Variants in KRABD3 observed in about 807,000 individuals in gnomAD.
KRABD3 encodes the protein KRAB domain-containing protein 3.
chr7:149,730,289 T>C, the KRABD3 span: 1 of 1,550,914 alleles, frequency 6.4e-7, no homozygotes, highest in Non-Finnish European at 8.7e-7. Flanking sequence ...TCAGCGGCTC[T>C]GAAGGAGAAG....
At chr7:149,724,747 C>G in the KRABD3 span, 12 of 1,560,712 alleles carry the variant, frequency 7.7e-6, no homozygotes, top group African/African-American at 1.2e-4. Context: ...CCAGAGCCCC[C>G]CAGGACCTGC....
At chr7:149,732,526 G>A in the KRABD3 span, among the ~76,000 whole-genome samples, 2 of 152,206 alleles carry the variant, frequency 1.3e-5, no homozygotes, top group Admixed American at 1.3e-4. This position sits in a 1 kb window ranked among gnomAD's most constrained non-coding sequence, Gnocchi z 4.0. Flanking sequence ...GTTAGGAATG[G>A]CAGGTGCCTG....
the KRABD3 span, chr7:149,722,657 C>T: frequency 9.9e-5 from 146 of 1,480,008 alleles, no homozygotes; most frequent in South Asian, 3.1e-4. Context: ...GCAGCTCCAC[C>T]GGGCAGGCCT....
the KRABD3 span, chr7:149,714,960 T>C: frequency 4.7e-6 from 5 of 1,053,544 alleles, no homozygotes; most frequent in Non-Finnish European, 6.0e-6. Context: ...CGCCTTCTCC[T>C]GCGCGGACCT....
the KRABD3 span, chr7:149,721,766 G>A: frequency 2.2e-5 from 15 of 681,752 alleles, no homozygotes; most frequent in Admixed American, 1.0e-4. Flanking sequence ...CTGTCATCCC[G>A]CCCCGATCAC....
the KRABD3 span, chr7:149,722,167 A>G: frequency 1.9e-6 from 1 of 526,694 alleles, no homozygotes; most frequent in South Asian, 2.0e-5. Flanking sequence ...CCTACATGTC[A>G]AGGCTGCCGG....
chr7:149,722,360 G>C, the KRABD3 span: 1 of 1,560,702 alleles, frequency 6.4e-7, no homozygotes, highest in East Asian at 2.4e-5. Flanking sequence ...ACCAGATCTG[G>C]TGTGATTTTC....
the KRABD3 span, chr7:149,728,797 C>T: frequency 2.1e-4 from 236 of 1,148,784 alleles, no homozygotes; most frequent in African/African-American, 3.3e-3. Context: ...CAGACCTGGG[C>T]AGAGCCTTGT....
chr7:149,714,972 G>T, the KRABD3 span: 2,912 of 1,154,860 alleles, frequency 2.5e-3, 56 homozygotes, highest in African/African-American at 0.041. Flanking sequence ...CGCGGACCTG[G>T]GCCGCCGCCG....
chr7:149,716,494 C>A, the KRABD3 span, among the ~76,000 whole-genome samples: 2 of 152,266 alleles, frequency 1.3e-5, no homozygotes, highest in African/African-American at 4.8e-5. Context: ...TGCACACTCA[C>A]ACTTGCTCAC....
At chr7:149,726,768 G>T in the KRABD3 span, among the ~76,000 whole-genome samples, 13 of 152,218 alleles carry the variant, frequency 8.5e-5, no homozygotes, top group South Asian at 2.7e-3. Flanking sequence ...TTATCTGGGT[G>T]GAGTAGCACC....
the KRABD3 span, among the ~76,000 whole-genome samples, chr7:149,715,901 C>T: frequency 6.6e-6 from 1 of 152,310 alleles, no homozygotes; most frequent in East Asian, 1.9e-4. Context: ...TCAGACATGC[C>T]CATGGCCCCA....
chr7:149,719,841 G>A, the KRABD3 span, among the ~76,000 whole-genome samples: 4 of 152,238 alleles, frequency 2.6e-5, no homozygotes, highest in East Asian at 1.9e-4. This position sits in a 1 kb window ranked among gnomAD's most constrained non-coding sequence, Gnocchi z 5.6. Context: ...GGTACAATTC[G>A]GTGGGGGTAT....
chr7:149,720,922 G>T, the KRABD3 span: 1 of 1,613,604 alleles, frequency 6.2e-7, no homozygotes, highest in Non-Finnish European at 8.5e-7. Context: ...GAAGTCAAGG[G>T]CGCTATGGAC....
At chr7:149,730,020 T>C in the KRABD3 span, 1 of 1,342,326 alleles carries the variant, frequency 7.4e-7, no homozygotes, top group Non-Finnish European at 9.5e-7. Flanking sequence ...CCATTTAGGG[T>C]CCACTAGAAC....
chr7:149,725,254 GT>G, the KRABD3 span: 1 of 1,471,642 alleles, frequency 6.8e-7, no homozygotes, highest in South Asian at 1.3e-5. Flanking sequence ...CCAGCCAGGG[GT>G]CTGATGGGCA....
At chr7:149,720,890 G>A in the KRABD3 span, 1 of 1,610,562 alleles carries the variant, frequency 6.2e-7, no homozygotes, top group South Asian at 1.1e-5. Context: ...TGGTGAAGGA[G>A]ATCCCAGAGT....
At chr7:149,730,134 G>A in the KRABD3 span, 1 of 1,490,002 alleles carries the variant, frequency 6.7e-7, no homozygotes, top group Non-Finnish European at 9.0e-7. Context: ...GCACTCTCTG[G>A]TCCCCTGCCC....
the KRABD3 span, among the ~76,000 whole-genome samples, chr7:149,731,471 A>G: frequency 6.6e-6 from 1 of 152,208 alleles, no homozygotes; most frequent in African/African-American, 2.4e-5. Flanking sequence ...CCCTGCATAC[A>G]GGGCAGGAAC....
Sources: allele counts gnomAD v4.1 joint callset (sites outside exome capture counted in the v4.1 genomes callset), GRCh38; gene constraint gnomAD v4.1.1; non-coding constraint Gnocchi (gnomAD v3.1); transcripts MANE v1.5; gene names NCBI Gene and HGNC (gene_info 2026-07-23, HGNC 2026-07-21).